The following ROBO1 variants were observed in gnomAD, a reference collection of about 807,000 sequenced individuals.
The protein encoded by ROBO1 is roundabout guidance receptor 1, also known as roundabout homolog 1.
In ROBO1, 149 loss-of-function variants were observed where a neutral mutation model predicts 195.9. The ratio of observed to expected loss-of-function variants is 0.76; its 90% CI spans 0.67 to 0.87. The LOEUF is 0.87. ROBO1 is among the 40% of genes least tolerant of loss of function. ROBO1 has a pLI of 0.00. For missense variants in ROBO1, 1,933 were observed against 2,068.3 expected (o/e 0.93, Z 1.27); for synonymous variants, 816 against 733.2 (o/e 1.11, Z -1.82).
chr3:79,254,017 C>T (rs2082781286), intron 2 of ROBO1, among the ~76,000 whole-genome samples: 2 of 152,122 alleles, frequency 1.3e-5, no homozygotes, highest in Admixed American at 6.6e-5. Context: ...CAAGAAGGCT[C>T]TGGAGTGACT....
intron 3 of ROBO1, among the ~76,000 whole-genome samples, chr3:79,062,607 AT>A (rs2078938966): frequency 6.6e-6 from 1 of 152,200 alleles, no homozygotes; most frequent in African/African-American, 2.4e-5. Flanking sequence ...CCAAATGTCC[AT>A]CAATGATGGA....
intron 2 of ROBO1, among the ~76,000 whole-genome samples, chr3:79,175,450 C>T (rs894458167): frequency 6.6e-6 from 1 of 152,138 alleles, no homozygotes; most frequent in Non-Finnish European, 1.5e-5. Flanking sequence ...CTGGCCCCAC[C>T]CTGCATAAAT....
intron 2 of ROBO1, among the ~76,000 whole-genome samples, chr3:79,559,832 G>T (rs551149716): frequency 6.6e-6 from 1 of 152,068 alleles, no homozygotes. Context: ...CAGGAGAATT[G>T]CTTGAACCCG....
chr3:78,812,245 G>A (rs1341448688), intron 4 of ROBO1, among the ~76,000 whole-genome samples: 1 of 152,058 alleles, frequency 6.6e-6, no homozygotes, highest in African/African-American at 2.4e-5. Context: ...TCCTACTGCA[G>A]AGTAAAAGAC....
At chr3:79,290,268 G>A (rs140404257) in intron 2 of ROBO1, among the ~76,000 whole-genome samples, 4,194 of 151,930 alleles carry the variant, frequency 0.028, 170 homozygotes, top group African/African-American at 0.095. Context: ...CCCTGACCTC[G>A]TGATCCACCC....
At chr3:79,377,428 A>G (rs1418068351) in intron 2 of ROBO1, among the ~76,000 whole-genome samples, 1 of 152,224 alleles carries the variant, frequency 6.6e-6, no homozygotes, top group Non-Finnish European at 1.5e-5. Context: ...TTCTACTTCT[A>G]CAATTATTTG....
At chr3:79,266,909 T>C (rs778282949) in intron 2 of ROBO1, among the ~76,000 whole-genome samples, 7 of 151,634 alleles carry the variant, frequency 4.6e-5, no homozygotes, top group Admixed American at 2.6e-4. Flanking sequence ...TCCCATATAA[T>C]GTAGAATAAA....
intron 2 of ROBO1, among the ~76,000 whole-genome samples, chr3:79,483,914 C>T (rs1366294046): frequency 1.3e-5 from 2 of 152,032 alleles, no homozygotes; most frequent in Non-Finnish European, 2.9e-5. Flanking sequence ...GGAAGGAAAG[C>T]TTTCTCAGTG....
intron 2 of ROBO1, among the ~76,000 whole-genome samples, chr3:79,535,697 G>T (rs911549971): frequency 6.6e-6 from 1 of 152,080 alleles, no homozygotes; most frequent in African/African-American, 2.4e-5. Context: ...AAAATAGATT[G>T]AGGAGATTTA....
chr3:79,579,011 T>C (rs1033224259), intron 2 of ROBO1, among the ~76,000 whole-genome samples: 2 of 152,294 alleles, frequency 1.3e-5, no homozygotes, highest in African/African-American at 2.4e-5. Context: ...CCTCTATATA[T>C]TGTATTTTAT....
At chr3:78,857,915 GA>G (rs2034552876) in intron 4 of ROBO1, among the ~76,000 whole-genome samples, 2 of 152,158 alleles carry the variant, frequency 1.3e-5, no homozygotes, top group Non-Finnish European at 2.9e-5. Context: ...AGAGTGTACT[GA>G]ACATAATGGA....
intron 2 of ROBO1, among the ~76,000 whole-genome samples, chr3:79,559,106 G>C (rs1576023161): frequency 6.6e-6 from 1 of 152,208 alleles, no homozygotes; most frequent in South Asian, 2.1e-4. Flanking sequence ...ATCAGACCAC[G>C]CCCCAATAAG....
intron 1 of ROBO1, among the ~76,000 whole-genome samples, chr3:79,639,295 T>C (rs1296121058): frequency 1.3e-5 from 2 of 152,184 alleles, no homozygotes; most frequent in Non-Finnish European, 2.9e-5. Context: ...GACATGCATT[T>C]TCAAAATATA....
At position 79,588,726 on chromosome 3, in the gene ROBO1, C is replaced by A. The variant is rs192198736; in HGVS notation, c.88+1098G>T. The stretch of plus-strand genomic sequence containing the variant: ...ATAGGAACAGGCTAAAATAAGAATA[C>A]GTAGTAATTTTAGTGGGCTAACCTA... On this transcript the variant is annotated intron_variant, in intron 2 of 30. Coordinates refer to ENST00000464233, the MANE Select transcript of ROBO1 (RefSeq NM_002941.4). Among the ~76,000 whole-genome samples, 5 of 151,746 alleles carry A rather than the reference C, an allele frequency of 3.3e-5. No individual in the cohort carries two copies. In the East Asian group the frequency reaches 9.7e-4, roughly 29 times the overall value.
chr3:78,772,508 G>C (rs1302916269), intron 4 of ROBO1, among the ~76,000 whole-genome samples: 3 of 152,080 alleles, frequency 2.0e-5, no homozygotes, highest in African/African-American at 7.2e-5. Flanking sequence ...TCTGAGTAGT[G>C]AGATTATCAA....
chr3:79,591,322 T>C (rs558400777), intron 1 of ROBO1, among the ~76,000 whole-genome samples: 1 of 151,974 alleles, frequency 6.6e-6, no homozygotes, highest in East Asian at 1.9e-4. Flanking sequence ...TGAGCTGTCC[T>C]TATTGTATGA....
chr3:79,002,735 C>T (rs544830030), intron 3 of ROBO1, among the ~76,000 whole-genome samples: 19 of 152,170 alleles, frequency 1.2e-4, no homozygotes, highest in African/African-American at 4.6e-4. Flanking sequence ...TTCATCTTTG[C>T]TTTCTTGAGG....
chr3:79,455,899 T>C (rs1432427473), intron 2 of ROBO1, among the ~76,000 whole-genome samples: 2 of 152,110 alleles, frequency 1.3e-5, no homozygotes, highest in African/African-American at 4.8e-5. Context: ...AGACTGCATA[T>C]AACTAAGCTT....
intron 2 of ROBO1, among the ~76,000 whole-genome samples, chr3:79,287,684 T>C (rs2031973454): frequency 6.6e-6 from 1 of 152,212 alleles, no homozygotes; most frequent in Non-Finnish European, 1.5e-5. Context: ...GTTCATTTTA[T>C]GTCCTTACTT....
Sources: allele counts gnomAD v4.1 joint callset (sites outside exome capture counted in the v4.1 genomes callset), GRCh38; gene constraint gnomAD v4.1.1; transcripts MANE v1.5; gene names NCBI Gene and HGNC (gene_info 2026-07-23, HGNC 2026-07-21).